The following DHRS7 variants were observed in gnomAD, a reference collection of about 807,000 sequenced individuals.
DHRS7 encodes the protein dehydrogenase/reductase 7.
A neutral mutation model predicts 38.9 loss-of-function variants in DHRS7; 34 were observed. The ratio of observed to expected loss-of-function variants is 0.87; its 90% confidence interval spans 0.66 to 1.16. The LOEUF is 1.16. Ranked by LOEUF, DHRS7 falls within the 50% of genes most tolerant of loss-of-function variation. The pLI, the probability that DHRS7 is intolerant of heterozygous loss-of-function variation, is 0.00. For synonymous variants in DHRS7, 158 were observed against 153.1 expected (o/e 1.03, Z -0.24); for missense variants, 421 against 407.0 (o/e 1.03, Z -0.30).
At chr14:60,147,508 G>A (rs1896438629) in intron 6 of DHRS7, 1 of 152,188 alleles carries the variant, frequency 6.6e-6, no homozygotes, top group Non-Finnish European at 1.5e-5. Flanking sequence ...TAATTTTTAT[G>A]TGTCAATTAT....
intron 1 of DHRS7, among the ~76,000 whole-genome samples, chr14:60,159,708 T>C (rs371507676): frequency 6.6e-6 from 1 of 151,974 alleles, no homozygotes. Flanking sequence ...CTGCACAGAT[T>C]CATGTACCCT....
Position 60,161,678 on chromosome 14 carries a change from G to C in DHRS7, c.133+3499C>G, listed in dbSNP as rs1040151244. On this transcript the variant is annotated intron_variant, in intron 1 of 6. Transcript: ENST00000557185. The surrounding 1 kb of genome is among the most constrained non-coding windows in gnomAD (Gnocchi z 4.2). ...TATTAAAGGGAGCTGGCTAGGGCAG[G>C]ACACAGGATTCGGTAGGGTCTGGAC... Among the ~76,000 whole-genome samples, 25 of 152,294 alleles carry C rather than the reference G, an allele frequency of 1.6e-4. No individual in the cohort carries two copies. Among genetic ancestry groups the C allele is most frequent in the African/African-American group, 5.1e-4 (21 of 41,552 alleles).
intron 4 of DHRS7, among the ~76,000 whole-genome samples, chr14:60,152,298 C>T (rs1286047066): frequency 1.3e-5 from 2 of 152,170 alleles, no homozygotes; most frequent in Non-Finnish European, 2.9e-5. Flanking sequence ...AATATTTATA[C>T]ATCGTAAGTT....
rs1486086255 is a variant in DHRS7, at chr14:60,149,651, T to A, written c.757-83A>T. On this transcript the variant is annotated intron_variant, in intron 5 of 6. Coordinates refer to ENST00000557185, the MANE Select transcript of DHRS7 (RefSeq NM_016029.4). ...TAGAAAGGACTCAAATGCCGTCTAG[T>A]TGAGTGGTTCCTTTAGTGGAGCTTC... The A allele has an allele frequency of 2.7e-6, 3 of 1,094,726 alleles. No individual in the cohort carries two copies. In the African/African-American group the frequency reaches 4.8e-5, roughly 17 times the overall value. 67.8% of individuals were successfully genotyped at this position (1,094,726 alleles called of 1,614,324 possible).
chr14:60,165,563 A>G (rs912914812), upstream of DHRS7: 2 of 1,264,202 alleles, frequency 1.6e-6, no homozygotes, highest in Non-Finnish European at 2.0e-6. The surrounding 1 kb of genome is among the most constrained non-coding windows in gnomAD (Gnocchi z 4.6). Flanking sequence ...GCTTGAATTC[A>G]AGTGTCCGAG....
Position 60,161,439 on chromosome 14 carries a change from G to T in DHRS7, c.133+3738C>A, listed in dbSNP as rs1282522379. Among the ~76,000 whole-genome samples the T allele has an allele frequency of 6.6e-6, 1 of 152,128 alleles. No individual in the cohort carries two copies. Among genetic ancestry groups the T allele is most frequent in the Non-Finnish European group, 1.5e-5 (1 of 68,006 alleles). On this transcript the variant is annotated intron_variant, in intron 1 of 6. Transcript: ENST00000557185. This position sits in a 1 kb window ranked among gnomAD's most constrained non-coding sequence, Gnocchi z 4.2. ...AAGCTGTTTCAGGAAGAAAAGAAAA[G>T]AAATGAAACCTGTCTTCTAAATGAC...
At chr14:60,147,636 C>T (rs921983231) in intron 6 of DHRS7, 2 of 152,134 alleles carry the variant, frequency 1.3e-5, no homozygotes, top group African/African-American at 4.8e-5. Flanking sequence ...GTTTTAAGTG[C>T]TTTTCATATA....
At chr14:60,155,895 G>C (rs915653410) in intron 2 of DHRS7, 105 bp downstream of exon 2, 1 of 1,179,892 alleles carries the variant, frequency 8.5e-7, no homozygotes. Flanking sequence ...TAGAACATTT[G>C]GAGCCGGGGG....
Position 60,146,683 on chromosome 14 carries a change from G to GTA in DHRS7, c.973-1671_973-1670insTA, listed in dbSNP as rs201487776. 441 of 136,320 alleles carry GTA rather than the reference G, an allele frequency of 3.2e-3. 3 individuals are homozygous for GTA. The highest frequency in any genetic ancestry group is 0.014 in the African/African-American group (423 of 30,126). The allele number at this position is 136,320 out of a possible 1,614,324, so 8.4% of individuals were successfully genotyped here. A position where few individuals can be genotyped will look rare whatever the true frequency, so the allele number is the denominator to read the frequency against. On this transcript the variant is annotated intron_variant, in intron 6 of 6. Transcript: ENST00000557185. The surrounding 1 kb of genome is among the most constrained non-coding windows in gnomAD (Gnocchi z 4.9). The stretch of plus-strand genomic sequence containing the variant: ...ATAAAGAAAATGTGTGTGTGTGTCT[G>GTA]TGTGTGTATATATATATATGGAATA...
At chr14:60,164,655 GAGTA>G (rs1335925836) in intron 1 of DHRS7, among the ~76,000 whole-genome samples, 6 of 152,208 alleles carry the variant, frequency 3.9e-5, no homozygotes, top group African/African-American at 1.4e-4. Flanking sequence ...TGACTAGAAT[GAGTA>G]AGTAGGTGAA....
chr14:60,156,080 T>A lies in DHRS7; in HGVS notation c.206A>T (p.Gln69Leu), dbSNP rs771858223. The A allele has an allele frequency of 6.2e-7, 1 of 1,606,062 alleles. No individual in the cohort carries two copies. Among genetic ancestry groups the A allele is most frequent in the African/African-American group, 1.3e-5 (1 of 74,360 alleles). Residue 69 changes from glutamine (Q) to leucine (L), a missense_variant, in exon 2 of 7, where the codon CAG (glutamine) becomes CTG (leucine). Gln to Leu is a moderately radical substitution (Grantham distance 113, BLOSUM62 -2). Coordinates refer to ENST00000557185, the MANE Select transcript of DHRS7 (RefSeq NM_016029.4). ...AAGAGAAACTCCTAGTTTAGACAAC[T>A]GGTAAGCCAGCTCCTCACCAATTCC... is the stretch of plus-strand genomic sequence containing the variant. The part of the protein sequence containing the change: ...SSGIGEELAY[Q>L]LSKLGVSLVL...
rs548425477 is a variant in DHRS7, at chr14:60,159,424, C to T, written c.134-3272G>A. ...GTGATAGTACCTTTGTTTGTGGTTT[C>T]ATTGAATATTTATGAAGCTAATGTC... On this transcript the variant is annotated intron_variant, in intron 1 of 6. Transcript: ENST00000557185. 1.5e-4 allele frequency: 32 copies of T among 220,564 alleles called. No individual in the cohort carries two copies. The South Asian group carries it at 2.0e-3, about 14-fold the overall frequency. 13.7% of individuals were successfully genotyped at this position (220,564 alleles called of 1,614,324 possible).
Position 60,146,006 on chromosome 14 carries a change from T to C in DHRS7, c.973-993A>G, listed in dbSNP as rs1462884205. On this transcript the variant is annotated intron_variant, in intron 6 of 6. Coordinates refer to ENST00000557185, the MANE Select transcript of DHRS7 (RefSeq NM_016029.4). The surrounding 1 kb of genome is among the most constrained non-coding windows in gnomAD (Gnocchi z 4.9). ...TTTTCTTAACTTAGACGCTTATCAATAAGAAAATTTATATATATACATATA... is the reference window on the plus strand; with the variant it reads ...TTTTCTTAACTTAGACGCTTATCAACAAGAAAATTTATATATATACATATA... The C allele has an allele frequency of 2.0e-5, 3 of 149,512 alleles. No homozygotes were observed. Among genetic ancestry groups the C allele is most frequent in the African/African-American group, 7.3e-5 (3 of 40,962 alleles). The allele number at this position is 149,512 out of a possible 1,614,324, so 9.3% of individuals were successfully genotyped here. A position where few individuals can be genotyped will look rare whatever the true frequency, so the allele number is the denominator to read the frequency against.
Position 60,154,013 on chromosome 14 carries a change from G to A in DHRS7, c.339C>T (p.Thr113=), listed in dbSNP as rs142255136. The change falls in exon 3 of 7, where the codon ACC becomes ACT. Residue 113 remains threonine, a synonymous_variant. Transcript: ENST00000557185. ...KDILVLPLDL[T]DTGSHEAATK... ...TAGCCGCTTCATGGGAACCAGTGTC[G>A]GTCAGGTCAAGGGGCAAAACAAGTA... 2.3e-5 allele frequency: 37 copies of A among 1,613,910 alleles called. No individual in the cohort carries two copies. In the African/African-American group the frequency reaches 2.9e-4, roughly 13 times the overall value.
In DHRS7 at chr14:60,162,578, TA is replaced by T. The variant is rs1488136504; in HGVS notation, c.133+2598del. The stretch of plus-strand genomic sequence containing the variant: ...TTACTTTTGTATTATGTGAGTGTGC[TA>T]TTTTTTTAAGTGACAAAAAATAATA... On this transcript the variant is annotated intron_variant, in intron 1 of 6. Transcript: ENST00000557185. The surrounding 1 kb of genome is among the most constrained non-coding windows in gnomAD (Gnocchi z 4.5). Among the ~76,000 whole-genome samples, 6 of 152,224 alleles carry T rather than the reference TA, an allele frequency of 3.9e-5. No homozygotes were observed. The highest frequency in any genetic ancestry group is 1.4e-4 in the African/African-American group (6 of 41,458).
chr14:60,166,161 A>G, upstream of DHRS7: 2 of 922,338 alleles, frequency 2.2e-6, no homozygotes, highest in South Asian at 1.0e-4. Flanking sequence ...TCCGTTTGAA[A>G]TGACCTTCAA....
chr14:60,150,275 T>C (rs1413025153), intron 4 of DHRS7, 88 bp from the exon 5 acceptor site: 1 of 1,269,734 alleles, frequency 7.9e-7, no homozygotes, highest in Non-Finnish European at 1.1e-6. Context: ...CTAAAATGTG[T>C]GAGTAAAGGA....
At chr14:60,169,047 C>T (rs914252527), upstream of DHRS7, 12 of 211,524 alleles carry the variant, frequency 5.7e-5, no homozygotes, top group South Asian at 1.4e-4. Flanking sequence ...TGCAGTGAGC[C>T]GAGACTGATG....
intron 1 of DHRS7, among the ~76,000 whole-genome samples, chr14:60,157,646 C>G (rs1301533006): frequency 6.6e-6 from 1 of 152,194 alleles, no homozygotes; most frequent in Non-Finnish European, 1.5e-5. Context: ...ATTTGTCCCA[C>G]TAGACCATAG....
Sources: allele counts gnomAD v4.1 joint callset (sites outside exome capture counted in the v4.1 genomes callset), GRCh38; gene constraint gnomAD v4.1.1; non-coding constraint Gnocchi (gnomAD v3.1); transcripts MANE v1.5; gene names NCBI Gene and HGNC (gene_info 2026-07-23, HGNC 2026-07-21).